The following RPS6KB1 variants were observed in gnomAD, a reference collection of about 807,000 sequenced individuals.
The protein encoded by RPS6KB1 is ribosomal protein S6 kinase B1, also known as ribosomal protein S6 kinase beta-1.
Under a neutral mutation model 70.2 loss-of-function variants are expected in RPS6KB1, and 12 were observed. That is an observed-to-expected ratio of 0.17 (90% CI 0.11 to 0.28). The LOEUF is 0.28. Ranked by LOEUF, RPS6KB1 falls within the 10% of genes least tolerant of loss-of-function variation. RPS6KB1 has a pLI of 1.00. For synonymous variants in RPS6KB1, 175 were observed against 211.2 expected, an observed-to-expected ratio of 0.83 and a Z score of 1.49; for missense variants, 270 against 646.6, an observed-to-expected ratio of 0.42 and a Z score of 6.32.
At chr17:59,903,916 AT>A (rs1223835883) in intron 1 of RPS6KB1, among the ~76,000 whole-genome samples, 10 of 151,630 alleles carry the variant, frequency 6.6e-5, no homozygotes, top group South Asian at 2.1e-4. Context: ...TATATATTTT[AT>A]TTATTTATTT....
chr17:59,937,997 C>T (rs1459127503), intron 12 of RPS6KB1, among the ~76,000 whole-genome samples: 1 of 151,974 alleles, frequency 6.6e-6, no homozygotes, highest in Non-Finnish European at 1.5e-5. Context: ...ATAATGTCCC[C>T]ACTTTAAAAA....
rs1054388295 is a variant in RPS6KB1, at chr17:59,947,071, G to A, written c.*283G>A. 1.1e-5 allele frequency: 14 copies of A among 1,258,876 alleles called. No individual in the cohort carries two copies. In the Admixed American group the frequency reaches 1.7e-4, roughly 16 times the overall value. The allele number at this position is 1,258,876 out of a possible 1,614,324, so 78.0% of individuals were successfully genotyped here. ...TCAAGGATTTTCATGTTGATGACTC[G>A]AAACTGACAGTATTAAGGGTAGGAT... On this transcript the variant is annotated 3_prime_UTR_variant, in exon 15 of 15. Coordinates refer to ENST00000225577, the MANE Select transcript of RPS6KB1 (RefSeq NM_003161.4).
chr17:59,908,720 G>A (rs1249467244), intron 1 of RPS6KB1, among the ~76,000 whole-genome samples: 22 of 138,804 alleles, frequency 1.6e-4, no homozygotes, highest in African/African-American at 6.0e-4. Flanking sequence ...CCGGGTTCAC[G>A]CCATTCTCCT....
In RPS6KB1 at chr17:59,893,344, G is replaced by A. The variant is rs758750856; in HGVS notation, c.141+19G>A. 2.5e-6 allele frequency: 4 copies of A among 1,584,818 alleles called. No individual in the cohort carries two copies. The South Asian group carries it at 4.6e-5, about 18-fold the overall frequency. On this transcript the variant is annotated intron_variant, in intron 1 of 14. Coordinates refer to ENST00000225577, the MANE Select transcript of RPS6KB1 (RefSeq NM_003161.4). This position sits in a 1 kb window ranked among gnomAD's most constrained non-coding sequence, Gnocchi z 4.1. ...GGAGGGGGTGAGGCCCGGGGTCCCC[G>A]GGGGCCCGAGGTGACAGGGCCGGGG...
At chr17:59,910,147 G>T (rs997942754) in intron 1 of RPS6KB1, among the ~76,000 whole-genome samples, 14 of 149,898 alleles carry the variant, frequency 9.3e-5, no homozygotes, top group African/African-American at 3.4e-4. Context: ...AGATGGCACC[G>T]CTGCACTCCA....
intron 3 of RPS6KB1, among the ~76,000 whole-genome samples, chr17:59,913,145 G>T (rs1295282097): frequency 6.6e-6 from 1 of 152,146 alleles, no homozygotes; most frequent in African/African-American, 2.4e-5. Context: ...GCTTACAAGA[G>T]ACATGGCAGT....
At chr17:59,943,890 T>TTATATATATATA (rs34821995) in intron 13 of RPS6KB1, among the ~76,000 whole-genome samples, 18 of 132,428 alleles carry the variant, frequency 1.4e-4, no homozygotes, top group Non-Finnish European at 1.9e-4. Flanking sequence ...AAAAAAAAAA[T>TTATATATATATA]TATATATATA....
Position 59,940,911 on chromosome 17 carries a change from ACT to A in RPS6KB1, c.1199_1200del (p.Leu400GlnfsTer2), listed in dbSNP as rs2044537867. The A allele has an allele frequency of 6.3e-7, 1 of 1,596,760 alleles. No homozygotes were observed. On this transcript the variant is annotated frameshift_variant, in exon 13 of 15. Transcript: ENST00000225577. LOFTEE classifies it high-confidence loss of function. The stretch of plus-strand genomic sequence containing the variant: ...ACCTGTCGACAGCCCAGATGACTCA[ACT>A]CTCAGTGAAAGTGCCAATCAGGTCT... ...QTPVDSPDDS[T>X]LSESANQVFL...
chr17:59,910,471 A>G, intron 1 of RPS6KB1, 91 bp from the exon 2 acceptor site: 1 of 777,398 alleles, frequency 1.3e-6, no homozygotes, highest in South Asian at 1.8e-5. Flanking sequence ...GGTTTATTTC[A>G]TTCATTCTCT....
At chr17:59,941,190 T>C in intron 13 of RPS6KB1, among the ~76,000 whole-genome samples, 1 of 152,114 alleles carries the variant, frequency 6.6e-6, no homozygotes, top group South Asian at 2.1e-4. Flanking sequence ...TTCCCTTTTT[T>C]TTTTAGGCCA....
At chr17:59,900,657 C>T (rs1463120674) in intron 1 of RPS6KB1, among the ~76,000 whole-genome samples, 1 of 152,150 alleles carries the variant, frequency 6.6e-6, no homozygotes, top group Non-Finnish European at 1.5e-5. Flanking sequence ...AGCCACGCGC[C>T]TGGCCTGGAG....
chr17:59,902,920 C>G (rs1027882868), intron 1 of RPS6KB1, among the ~76,000 whole-genome samples: 16 of 152,020 alleles, frequency 1.1e-4, no homozygotes, highest in Non-Finnish European at 1.8e-4. Context: ...GGGGCTCATG[C>G]CTATAATCCT....
intron 12 of RPS6KB1, among the ~76,000 whole-genome samples, chr17:59,939,692 GTGT>G (rs1208510270): frequency 1.3e-5 from 2 of 152,214 alleles, no homozygotes; most frequent in Non-Finnish European, 2.9e-5. Flanking sequence ...ACATGGTCTG[GTGT>G]TGTACGAGAG....
At chr17:59,894,715 A>G (rs1387832688) in intron 1 of RPS6KB1, among the ~76,000 whole-genome samples, 1 of 150,548 alleles carries the variant, frequency 6.6e-6, no homozygotes, top group Non-Finnish European at 1.5e-5. Context: ...AGCGATTGTC[A>G]TGGCTCAGCC....
chr17:59,935,351 T>A, intron 10 of RPS6KB1, 51 bp downstream of exon 10: 1 of 947,404 alleles, frequency 1.1e-6, no homozygotes, highest in Non-Finnish European at 1.7e-6. Flanking sequence ...GACTAGGATT[T>A]AACTAGATAG....
chr17:59,945,035 C>A (rs1345779800), intron 13 of RPS6KB1, among the ~76,000 whole-genome samples: 1 of 152,158 alleles, frequency 6.6e-6, no homozygotes, highest in Non-Finnish European at 1.5e-5. Flanking sequence ...CTCCTGACCT[C>A]AGGTGGTCTG....
Position 59,934,746 on chromosome 17 carries a change from A to G in RPS6KB1, c.870+222A>G. The G allele has an allele frequency of 2.0e-6, 1 of 511,478 alleles. No individual in the cohort carries two copies. The highest frequency in any genetic ancestry group is 3.2e-5 in the East Asian group (1 of 31,612). 31.7% of individuals were successfully genotyped at this position (511,478 alleles called of 1,614,324 possible). The stretch of plus-strand genomic sequence containing the variant: ...ATCTATGTCATGGCAGGCCTGTGAA[A>G]TAGATGTTGAATAGATAATGCCCTT... On this transcript the variant is annotated intron_variant, in intron 9 of 14. Coordinates refer to ENST00000225577, the MANE Select transcript of RPS6KB1 (RefSeq NM_003161.4). The surrounding 1 kb of genome is among the most constrained non-coding windows in gnomAD (Gnocchi z 4.8).
Position 59,930,095 on chromosome 17 carries a change from T to C in RPS6KB1, c.530-22T>C, listed in dbSNP as rs765041317. Reference sequence around the variant, plus strand: ...GAAATAAATATTGTTTTATTTATAATGTTTTTTCTTTTTCTTTACAGGAGG... The same window carrying C: ...GAAATAAATATTGTTTTATTTATAACGTTTTTTCTTTTTCTTTACAGGAGG... On this transcript the variant is annotated intron_variant, in intron 5 of 14. Transcript: ENST00000225577. 5 of 1,166,206 alleles carry C rather than the reference T, an allele frequency of 4.3e-6. No individual in the cohort carries two copies. In the East Asian group the frequency reaches 9.3e-5, roughly 22 times the overall value. 72.2% of individuals were successfully genotyped at this position (1,166,206 alleles called of 1,614,324 possible).
chr17:59,937,593 C>G (rs2044316333), intron 12 of RPS6KB1, among the ~76,000 whole-genome samples: 1 of 152,198 alleles, frequency 6.6e-6, no homozygotes, highest in Admixed American at 6.5e-5. Flanking sequence ...TCACCCGGAT[C>G]TCTGCCTTCA....
Sources: gnomAD v4.1 joint callset for allele counts (sites outside exome capture counted in the v4.1 genomes callset) on GRCh38, gnomAD v4.1.1 for gene constraint, Gnocchi (gnomAD v3.1) non-coding constraint, MANE v1.5 for transcripts, NCBI Gene and HGNC (gene_info 2026-07-23, HGNC 2026-07-21) for gene names.